COL24A1: variants seen among roughly 807,000 people sequenced by gnomAD.
COL24A1 encodes collagen alpha-1(XXIV) chain.
In COL24A1, 224 loss-of-function variants were observed where a neutral mutation model predicts 253.9. That is an observed-to-expected ratio of 0.88 (90% CI 0.79 to 0.99). COL24A1 has a LOEUF of 0.99. Ranked by LOEUF, COL24A1 falls within the 50% of genes least tolerant of loss-of-function variation. The pLI is 0.00. For missense variants in COL24A1, 2,131 were observed against 2,068.5 expected (o/e 1.03, Z -0.59); for synonymous variants, 685 against 673.7 (o/e 1.02, Z -0.26).
At chr1:85,951,290 T>C (rs1558775376) in intron 24 of COL24A1, among the ~76,000 whole-genome samples, 1 of 152,084 alleles carries the variant, frequency 6.6e-6, no homozygotes, top group Non-Finnish European at 1.5e-5. Context: ...CTAAGAACCG[T>C]AATAGTGTAG....
intron 7 of COL24A1, among the ~76,000 whole-genome samples, chr1:86,076,670 G>A (rs1702273574): frequency 6.7e-6 from 1 of 150,172 alleles, no homozygotes; most frequent in South Asian, 2.1e-4. Context: ...CCAAAACAGA[G>A]GCCTCAGAAG....
intron 4 of COL24A1, among the ~76,000 whole-genome samples, chr1:86,114,795 C>G (rs1171913956): frequency 6.6e-6 from 1 of 152,114 alleles, no homozygotes; most frequent in East Asian, 1.9e-4. Context: ...AGTAAAATAT[C>G]CACACTTTTT....
At chr1:85,788,218 G>A (rs1669886582) in intron 47 of COL24A1, among the ~76,000 whole-genome samples, 1 of 152,002 alleles carries the variant, frequency 6.6e-6, no homozygotes, top group African/African-American at 2.4e-5. Flanking sequence ...AGCCTCCTGA[G>A]TAGCTGGGAC....
intron 1 of COL24A1, among the ~76,000 whole-genome samples, chr1:86,147,227 T>A (rs1652010710): frequency 6.6e-6 from 1 of 152,200 alleles, no homozygotes; most frequent in African/African-American, 2.4e-5. Flanking sequence ...CCAACTAGTA[T>A]AAGGAGCATC....
chr1:85,946,638 G>T (rs1259110894), intron 24 of COL24A1, among the ~76,000 whole-genome samples: 1 of 152,074 alleles, frequency 6.6e-6, no homozygotes, highest in African/African-American at 2.4e-5. Context: ...TTCTACCCCT[G>T]ACAATAAACA....
intron 7 of COL24A1, among the ~76,000 whole-genome samples, chr1:86,088,323 A>G (rs915633976): frequency 2.6e-5 from 4 of 152,176 alleles, no homozygotes; most frequent in African/African-American, 9.7e-5. Flanking sequence ...ACACTAAGAC[A>G]ACAACACAGC....
At chr1:85,880,655 C>T (rs879795744) in intron 32 of COL24A1, among the ~76,000 whole-genome samples, 7 of 151,776 alleles carry the variant, frequency 4.6e-5, no homozygotes, top group Non-Finnish European at 5.9e-5. Context: ...ATAATGTTGG[C>T]TATAAGGTTT....
intron 58 of COL24A1, chr1:85,736,603 G>T: frequency 2.4e-6 from 1 of 422,858 alleles, no homozygotes. Flanking sequence ...ATGAAGAGAG[G>T]TGTTTTAGGA....
Position 85,784,103 on chromosome 1 carries a change from G to A in COL24A1, c.4221+10C>T, listed in dbSNP as rs1473966672. On this transcript the variant is annotated intron_variant, in intron 50 of 59. Coordinates refer to ENST00000370571, the MANE Select transcript of COL24A1 (RefSeq NM_152890.7). ...TAGCTAGAAGACTAGAAGAAAGTATGTAAACATACTTTAGGGCCTGGGAAT... is the reference window on the plus strand; with the variant it reads ...TAGCTAGAAGACTAGAAGAAAGTATATAAACATACTTTAGGGCCTGGGAAT... 2 of 1,605,768 alleles carry A rather than the reference G, an allele frequency of 1.2e-6. No homozygotes were observed. The highest frequency in any genetic ancestry group is 2.7e-5 in the African/African-American group (2 of 74,766).
At chr1:86,025,268 G>A (rs1202685190) in intron 14 of COL24A1, among the ~76,000 whole-genome samples, 1 of 152,162 alleles carries the variant, frequency 6.6e-6, no homozygotes, top group Non-Finnish European at 1.5e-5. Flanking sequence ...TTTCATGCGT[G>A]GGAGCCTTGT....
intron 19 of COL24A1, among the ~76,000 whole-genome samples, chr1:86,016,235 T>TACTTACTTTAGAATAGA (rs2101222203): frequency 6.6e-6 from 1 of 152,190 alleles, no homozygotes; most frequent in South Asian, 2.1e-4. Flanking sequence ...GAATAGGCAT[T>TACTTACTTTAGAATAGA]TTCTAAAGAA....
chr1:86,156,729 A>G lies in COL24A1; in HGVS notation c.-333T>C, dbSNP rs1653679533. The G allele has an allele frequency of 4.6e-6, 1 of 216,952 alleles. No homozygotes were observed. The highest frequency in any genetic ancestry group is 2.3e-5 in the African/African-American group (1 of 43,528). The allele number at this position is 216,952 out of a possible 1,614,324, so 13.4% of individuals were successfully genotyped here. A position where few individuals can be genotyped will look rare whatever the true frequency, so the allele number is the denominator to read the frequency against. On this transcript the variant is annotated 5_prime_UTR_variant, in exon 1 of 60. Coordinates refer to ENST00000370571, the MANE Select transcript of COL24A1 (RefSeq NM_152890.7). ...GCGGGAGCCGGGCTGCTAGTGCAGC[A>G]CTCAAGTTCACTTGCGGTTCAAAGG...
chr1:85,762,969 T>C (rs1304172674), intron 53 of COL24A1, among the ~76,000 whole-genome samples: 1 of 152,208 alleles, frequency 6.6e-6, no homozygotes, highest in African/African-American at 2.4e-5. Context: ...CCCACCAGGA[T>C]AGGGCAGGGC....
intron 2 of COL24A1, among the ~76,000 whole-genome samples, chr1:86,128,020 T>C (rs1041083150): frequency 2.0e-5 from 3 of 152,096 alleles, no homozygotes; most frequent in African/African-American, 7.2e-5. Context: ...ATCTATGATA[T>C]TGTATGACAA....
chr1:85,732,514 C>G (rs1663608244), intron 59 of COL24A1, among the ~76,000 whole-genome samples: 1 of 151,510 alleles, frequency 6.6e-6, no homozygotes. Context: ...CAGGCATGAG[C>G]CACTGTGCCC....
chr1:86,060,109 G>A (rs1484818432), intron 8 of COL24A1, among the ~76,000 whole-genome samples: 1 of 152,138 alleles, frequency 6.6e-6, no homozygotes, highest in Non-Finnish European at 1.5e-5. Context: ...AGGGAAGGCT[G>A]ATAGATGGAG....
chr1:86,038,563 G>A (rs376172879), intron 12 of COL24A1, among the ~76,000 whole-genome samples: 4 of 152,062 alleles, frequency 2.6e-5, no homozygotes, highest in Admixed American at 6.6e-5. Flanking sequence ...TTTGATTCCC[G>A]GTATTCATGC....
chr1:85,940,474 C>T (rs970552423), intron 24 of COL24A1, among the ~76,000 whole-genome samples: 5 of 144,138 alleles, frequency 3.5e-5, no homozygotes, highest in African/African-American at 1.3e-4. Context: ...TTTATTTAGT[C>T]AAGAAACATA....
intron 19 of COL24A1, among the ~76,000 whole-genome samples, chr1:86,006,814 G>A (rs1696006156): frequency 6.6e-6 from 1 of 151,794 alleles, no homozygotes; most frequent in Admixed American, 6.6e-5. Flanking sequence ...TTAAAAAAAG[G>A]CCAAAGACCT....
Sources: allele counts gnomAD v4.1 joint callset (sites outside exome capture counted in the v4.1 genomes callset), GRCh38; gene constraint gnomAD v4.1.1; transcripts MANE v1.5; gene names NCBI Gene and HGNC (gene_info 2026-07-23, HGNC 2026-07-21).